EML2: variants seen among roughly 807,000 people sequenced by gnomAD.
The protein encoded by EML2 is echinoderm microtubule-associated protein-like 2.
EML2 carries 59 observed loss-of-function variants against 84.7 expected under a neutral mutation model. The ratio of observed to expected loss-of-function variants is 0.70; its 90% CI spans 0.56 to 0.86. The LOEUF (loss-of-function observed/expected upper bound fraction) is 0.86. Among genes scored for constraint, EML2 ranks in the 40% least tolerant of loss-of-function variants. The probability of loss-of-function intolerance (pLI) is 0.00; values close to 1 mark genes in which losing one functional copy is unlikely to be tolerated. For missense variants in EML2, 818 were observed against 855.6 expected, an observed-to-expected ratio of 0.96 and a Z score of 0.55; for synonymous variants, 352 against 348.9, an observed-to-expected ratio of 1.01 and a Z score of -0.10.
Position 45,633,115 on chromosome 19 carries a change from G to A in EML2, c.354C>T (p.Val118=), listed in dbSNP as rs371473683. 6.2e-7 allele frequency: 1 copy of A among 1,604,118 alleles called. No homozygotes were observed. Among genetic ancestry groups the A allele is most frequent in the African/African-American group, 1.3e-5 (1 of 74,984 alleles). ...CCGCCACCTGTCCCGTGGCGATGGTGACCATATCTGGGTGGATGGCCAAGC... is the reference window on the plus strand; with the variant it reads ...CCGCCACCTGTCCCGTGGCGATGGTAACCATATCTGGGTGGATGGCCAAGC... ...IKCLAIHPDM[V]TIATGQVAGT... is the part of the protein sequence containing the mutation. The change falls in exon 5 of 19, where the codon GTC becomes GTT. Residue 118 remains valine, a synonymous_variant. Transcript: ENST00000245925.
At position 45,632,843 on chromosome 19, in the gene EML2, G is replaced by T. The variant is rs1380472009; in HGVS notation, c.510+18C>A. 1 of 1,607,482 alleles carries T rather than the reference G, an allele frequency of 6.2e-7. No individual in the cohort carries two copies. Among genetic ancestry groups the T allele is most frequent in the Non-Finnish European group, 8.5e-7 (1 of 1,175,060 alleles). On this transcript the variant is annotated intron_variant, in intron 6 of 18. Transcript: ENST00000245925. ...TTTCGGGGCGAAGGGGCGGGGTTAG[G>T]GTGGGCGAAGGACTTACAGATTTGG...
At chr19:45,637,239 G>A (rs1973832437) in intron 3 of EML2, among the ~76,000 whole-genome samples, 1 of 152,184 alleles carries the variant, frequency 6.6e-6, no homozygotes, top group Non-Finnish European at 1.5e-5. Flanking sequence ...GGTTCCTGGG[G>A]TGTGGACTCC....
rs779402891 is a variant in EML2, at chr19:45,619,069, C to G, written c.1245G>C (p.Arg415Ser). The part of the protein sequence containing the change: ...SSDSHQPLWS[R>S]IIEDPARSAG... ...TCCCCGGGCCCCTTACCTCGATGATCCTGCTCCACAGGGGCTGGTGGGAAT... is the reference window on the plus strand; with the variant it reads ...TCCCCGGGCCCCTTACCTCGATGATGCTGCTCCACAGGGGCTGGTGGGAAT... The change falls in exon 12 of 19, where the codon AGG becomes AGC. Residue 415 changes from arginine (R) to serine (S), a missense_variant. Transcript: ENST00000245925. 14 of 1,611,436 alleles carry G rather than the reference C, an allele frequency of 8.7e-6. No homozygotes were observed. Among genetic ancestry groups the G allele is most frequent in the Non-Finnish European group, 1.2e-5 (14 of 1,178,378 alleles).
rs574253381 is a variant in EML2 at position 45,624,015 on chromosome 19, A to G, written c.841+704T>C. Among the ~76,000 whole-genome samples, 178 of 152,358 alleles carry G rather than the reference A, an allele frequency of 1.2e-3. 2 individuals are homozygous for G. Among genetic ancestry groups the G allele is most frequent in the African/African-American group, 4.0e-3 (167 of 41,594 alleles). ...CATTAGTTTGTTAATAAAGTCATCC[A>G]TTGGTTGGAGCAAGTATTTCTTCAC... On this transcript the variant is annotated intron_variant, in intron 9 of 18. Transcript: ENST00000245925.
Position 45,609,575 on chromosome 19 carries a change from T to A in EML2, c.*88A>T. ...CCCATAACCCCCTCTGCTATAGACA[T>A]ACTCTGGGTATATATTACTCTACTC... On this transcript the variant is annotated 3_prime_UTR_variant, in exon 19 of 19. Coordinates refer to ENST00000245925, the MANE Select transcript of EML2 (RefSeq NM_012155.4). 381 of 878,578 alleles carry A rather than the reference T, an allele frequency of 4.3e-4. No homozygotes were observed. The highest frequency in any genetic ancestry group is 5.3e-4 in the Middle Eastern group (2 of 3,750). 54.4% of individuals were successfully genotyped at this position (878,578 alleles called of 1,614,324 possible). A position where few individuals can be genotyped will look rare whatever the true frequency, so the allele number is the denominator to read the frequency against.
Position 45,613,684 on chromosome 19 carries a change from T to C in EML2, c.1694-13A>G. The C allele has an allele frequency of 6.8e-6, 11 of 1,609,236 alleles. No homozygotes were observed. Among genetic ancestry groups the C allele is most frequent in the Non-Finnish European group, 9.3e-6 (11 of 1,176,550 alleles). On this transcript the variant is annotated splice_polypyrimidine_tract_variant and intron_variant, in intron 17 of 18. Transcript: ENST00000245925. ...TCAGACCAGATCCCTGTGGGCAAGA[T>C]GAAGGGAAGTGGTAAGATGTCAGCT...
rs36062041 is a variant in EML2 at position 45,621,273 on chromosome 19, G to A, written c.1056C>T (p.Tyr352=). 0.029 allele frequency: 47,059 copies of A among 1,613,900 alleles called. 852 individuals are homozygous for A. The highest frequency in any genetic ancestry group is 0.078 in the Middle Eastern group (472 of 6,060). The part of the protein sequence containing the change: ...TVAEGHGDTL[Y]VGTTRNSILQ... The stretch of plus-strand genomic sequence containing the variant: ...GGATGGAATTGCGGGTGGTCCCCAC[G>A]TACAGTGTGTCTCCGTGGCCCTCTG... The change falls in exon 11 of 19, where the codon TAC becomes TAT. Residue 352 remains tyrosine (Y), a synonymous_variant. Transcript: ENST00000245925.
chr19:45,613,444 G>C lies in EML2; in HGVS notation c.1824+97C>G, dbSNP rs1033673518. ...TCCTTGTACAGATGGGGAAACCGAG[G>C]CTCAGAGAAGGGGTGGGGTTGGACC... On this transcript the variant is annotated intron_variant, in intron 18 of 18. Transcript: ENST00000245925. The C allele has an allele frequency of 1.0e-4, 149 of 1,446,192 alleles. 1 individual carries two copies. In the East Asian group the frequency reaches 3.4e-3, roughly 33 times the overall value. The allele number at this position is 1,446,192 out of a possible 1,614,324, so 89.6% of individuals were successfully genotyped here. A position where few individuals can be genotyped will look rare whatever the true frequency, so the allele number is the denominator to read the frequency against.
chr19:45,625,153 C>A (rs1179777629), intron 8 of EML2, among the ~76,000 whole-genome samples: 2 of 152,176 alleles, frequency 1.3e-5, no homozygotes, highest in Non-Finnish European at 2.9e-5. Flanking sequence ...GCAACCTCCC[C>A]CTCCCGGGTT....
intron 8 of EML2, among the ~76,000 whole-genome samples, 160 bp from the exon 9 acceptor site, chr19:45,624,978 C>T (rs1446893362): frequency 6.6e-6 from 1 of 152,104 alleles, no homozygotes; most frequent in Non-Finnish European, 1.5e-5. Flanking sequence ...TGCCTCCATC[C>T]GGCCTGCAGT....
rs1260780216 is a variant in EML2, at chr19:45,632,946, C to T, written c.425G>A (p.Trp142Ter). The T allele has an allele frequency of 1.9e-6, 3 of 1,614,070 alleles. No individual in the cohort carries two copies. Among genetic ancestry groups the T allele is most frequent in the Non-Finnish European group, 2.5e-6 (3 of 1,180,046 alleles). ...TAAGGTGGAGAGGGAAACTGAGTCC[C>T]AGATGCGCACGTGGGGCGGCAGCGG... ...GKPLPPHVRI[W>*]DSVSLSTLHV... Residue 142 changes from tryptophan to a stop codon, truncating the protein, a stop_gained, in exon 6 of 19, where the codon TGG (tryptophan) becomes TAG (stop). Coordinates refer to ENST00000245925, the MANE Select transcript of EML2 (RefSeq NM_012155.4). LOFTEE classifies it high-confidence loss of function.
At chr19:45,611,816 A>G (rs968372447) in intron 18 of EML2, among the ~76,000 whole-genome samples, 2 of 151,486 alleles carry the variant, frequency 1.3e-5, no homozygotes, top group Non-Finnish European at 2.9e-5. Context: ...TTAGGCATGA[A>G]TGCTCAATTT....
At chr19:45,619,777 A>G (rs917006444) in intron 11 of EML2, among the ~76,000 whole-genome samples, 5 of 152,212 alleles carry the variant, frequency 3.3e-5, no homozygotes, top group Non-Finnish European at 5.9e-5. Context: ...AATGCTGGCC[A>G]GGTGCGGTGG....
chr19:45,614,275 G>A (rs570425972), intron 17 of EML2, among the ~76,000 whole-genome samples: 103 of 152,318 alleles, frequency 6.8e-4, no homozygotes, highest in Middle Eastern at 6.8e-3. Flanking sequence ...GAGCAGGGCC[G>A]TCAGTCATGG....
intron 13 of EML2, among the ~76,000 whole-genome samples, chr19:45,617,054 T>A (rs1971175040): frequency 6.6e-6 from 1 of 152,118 alleles, no homozygotes; most frequent in African/African-American, 2.4e-5. Context: ...GAAATCAGCC[T>A]GGTCAACATA....
chr19:45,623,555 A>AC (rs1971972234), intron 9 of EML2: 1 of 145,922 alleles, frequency 6.9e-6, no homozygotes. Flanking sequence ...TTAAAAAAAA[A>AC]TTTTTTTTTT....
In EML2 at chr19:45,638,630, A is replaced by G; in HGVS notation, c.54T>C (p.Asp18=). Reference sequence around the variant, plus strand: ...CCCTCAGGAACATTTTCACGGAGCCATCCTCTGCCAGGACACCCCCAGAGG... The same window carrying G: ...CCCTCAGGAACATTTTCACGGAGCCGTCCTCTGCCAGGACACCCCCAGAGG... ...KTKEVIFSVE[D]GSVKMFLRGR... The change falls in exon 3 of 19, where the codon GAT becomes GAC. Residue 18 remains aspartate (D), a synonymous_variant. Transcript: ENST00000245925. 6.2e-7 allele frequency: 1 copy of G among 1,613,770 alleles called. No homozygotes were observed. Among genetic ancestry groups the G allele is most frequent in the Non-Finnish European group, 8.5e-7 (1 of 1,179,912 alleles).
chr19:45,610,869 G>A (rs1224430696), intron 18 of EML2, among the ~76,000 whole-genome samples: 4 of 152,058 alleles, frequency 2.6e-5, no homozygotes, highest in Non-Finnish European at 5.9e-5. Context: ...AAACCCAGCA[G>A]GGCAACTGAA....
At chr19:45,635,432 G>A (rs762435563) in intron 3 of EML2, among the ~76,000 whole-genome samples, 18 of 151,258 alleles carry the variant, frequency 1.2e-4, no homozygotes, top group South Asian at 4.2e-4. Context: ...AGCCGCTGGC[G>A]CCCAGCCGAG....
Sources: gnomAD v4.1 joint callset for allele counts (sites outside exome capture counted in the v4.1 genomes callset) on GRCh38, gnomAD v4.1.1 for gene constraint, MANE v1.5 for transcripts, NCBI Gene and HGNC (gene_info 2026-07-23, HGNC 2026-07-21) for gene names.